NRXN3: variants seen among roughly 807,000 people sequenced by gnomAD.
The protein encoded by NRXN3 is neurexin III.
A neutral mutation model predicts 137.6 loss-of-function variants in NRXN3; 32 were observed. The observed-to-expected ratio is 0.23, with a 90% confidence interval of 0.18 to 0.31. The LOEUF (loss-of-function observed/expected upper bound fraction) is 0.31. NRXN3 is among the 10% of genes least tolerant of loss of function. NRXN3 has a pLI of 1.00. For synonymous variants in NRXN3, 798 were observed against 784.5 expected, an observed-to-expected ratio of 1.02 and a Z score of -0.29; for missense variants, 1,574 against 2,062.5, an observed-to-expected ratio of 0.76 and a Z score of 4.59.
rs2073963759 is a variant in NRXN3, at chr14:78,278,669, C to G, written c.727+7C>G. On this transcript the variant is annotated splice_region_variant and intron_variant, in intron 3 of 20. Transcript: ENST00000335750. ...GATGTCAGTCAAGATCCAGGTGAGT[C>G]TTTGTGTTTGCACAGCTGCTGTGGG... The G allele has an allele frequency of 6.5e-7, 1 of 1,534,924 alleles. No individual in the cohort carries two copies. Among genetic ancestry groups the G allele is most frequent in the East Asian group, 2.4e-5 (1 of 40,916 alleles).
At chr14:79,101,539 G>T (rs2051301230) in intron 15 of NRXN3, among the ~76,000 whole-genome samples, 1 of 152,178 alleles carries the variant, frequency 6.6e-6, no homozygotes, top group African/African-American at 2.4e-5. Flanking sequence ...TGTGTTGTCT[G>T]TTTGAAGTAC....
intron 15 of NRXN3, among the ~76,000 whole-genome samples, chr14:79,271,073 C>G (rs1239672453): frequency 6.6e-6 from 1 of 152,174 alleles, no homozygotes; most frequent in African/African-American, 2.4e-5. Flanking sequence ...CTGTATCTAT[C>G]TTAGACGATG....
intron 3 of NRXN3, among the ~76,000 whole-genome samples, chr14:78,295,986 C>G (rs932673177): frequency 1.3e-5 from 2 of 151,728 alleles, no homozygotes; most frequent in Non-Finnish European, 2.9e-5. Flanking sequence ...CTTTTTAACC[C>G]TCTATTTGAC....
At chr14:78,653,695 CAAAAG>C (rs1394217621) in intron 6 of NRXN3, among the ~76,000 whole-genome samples, 8 of 108,956 alleles carry the variant, frequency 7.3e-5, no homozygotes, top group African/African-American at 3.1e-4. Flanking sequence ...CATGTGGAAA[CAAAAG>C]AAAATAAAAT....
chr14:79,210,285 T>C (rs1451167217), intron 15 of NRXN3, among the ~76,000 whole-genome samples: 2 of 152,230 alleles, frequency 1.3e-5, no homozygotes, highest in Non-Finnish European at 2.9e-5. Flanking sequence ...ATACACACTT[T>C]AACTGGGAGA....
intron 15 of NRXN3, among the ~76,000 whole-genome samples, chr14:79,227,207 T>C (rs1172328016): frequency 6.6e-6 from 1 of 152,136 alleles, no homozygotes; most frequent in East Asian, 1.9e-4. Flanking sequence ...ATTGAGCACT[T>C]CGTAGGTACC....
chr14:78,356,915 C>T (rs907838807), intron 4 of NRXN3, among the ~76,000 whole-genome samples: 1 of 152,126 alleles, frequency 6.6e-6, no homozygotes, highest in Non-Finnish European at 1.5e-5. Context: ...AGTGACTTAA[C>T]GTCATTTGAT....
Position 79,602,863 on chromosome 14 carries a change from C to T in NRXN3, c.3445-60915C>T, listed in dbSNP as rs74612826. 0.016 allele frequency among the ~76,000 whole-genome samples: 2,397 copies of T among 152,134 alleles called. 176 individuals carry two copies. The East Asian group carries it at 0.25, about 16-fold the overall frequency. On this transcript the variant is annotated intron_variant, in intron 16 of 20. Transcript: ENST00000335750. ...ATCTAACTTGTAACCATATTTCCAA[C>T]TACCTGCCAAGTGTCTGTGCTGGAA...
chr14:79,706,361 A>G (rs2098779010), intron 19 of NRXN3, among the ~76,000 whole-genome samples: 2 of 152,108 alleles, frequency 1.3e-5, no homozygotes, highest in South Asian at 4.2e-4. Context: ...CCCACTTTCA[A>G]ATATATGCAA....
At chr14:79,651,160 T>C (rs983111756) in intron 16 of NRXN3, among the ~76,000 whole-genome samples, 1 of 152,148 alleles carries the variant, frequency 6.6e-6, no homozygotes, top group Admixed American at 6.6e-5. Context: ...CCCTTGGTAA[T>C]GAACACTAAG....
At chr14:79,827,253 G>C (rs542789067) in intron 20 of NRXN3, among the ~76,000 whole-genome samples, 1 of 151,944 alleles carries the variant, frequency 6.6e-6, no homozygotes, top group Non-Finnish European at 1.5e-5. Context: ...GCAGGGGTGG[G>C]TGCTAGGAAT....
intron 10 of NRXN3, among the ~76,000 whole-genome samples, chr14:78,813,736 T>A (rs764677027): frequency 6.6e-6 from 1 of 152,136 alleles, no homozygotes; most frequent in Non-Finnish European, 1.5e-5. Flanking sequence ...TCTGTGACAC[T>A]CTTTAATGGA....
At chr14:79,568,685 G>A (rs1454917315) in intron 16 of NRXN3, among the ~76,000 whole-genome samples, 1 of 152,182 alleles carries the variant, frequency 6.6e-6, no homozygotes, top group Admixed American at 6.5e-5. Flanking sequence ...TGCAATGTGT[G>A]ATTCAAATGC....
intron 15 of NRXN3, among the ~76,000 whole-genome samples, chr14:79,332,497 C>G (rs776182911): frequency 6.6e-6 from 1 of 152,166 alleles, no homozygotes; most frequent in Non-Finnish European, 1.5e-5. Context: ...CTTCTACTCA[C>G]CGTTTAAGAC....
rs374407933 is a variant in NRXN3, at chr14:78,967,301, C to T, written c.2871C>T (p.Val957=). 1.4e-4 allele frequency: 229 copies of T among 1,613,614 alleles called. 1 individual carries two copies. In the South Asian group the frequency reaches 2.0e-3, roughly 14 times the overall value. Reference sequence around the variant, plus strand: ...TGAATGACAACCAGTGGCACAATGTCGTCATCACTCGGGACAATAGTAACA... The same window carrying T: ...TGAATGACAACCAGTGGCACAATGTTGTCATCACTCGGGACAATAGTAACA... The part of the protein sequence containing the change: ...RPLNDNQWHN[V]VITRDNSNTH... Residue 957 remains valine (V), a synonymous_variant, in exon 13 of 21, where the codon GTC becomes GTT. Transcript: ENST00000335750.
Position 79,112,560 on chromosome 14 carries a change from G to A in NRXN3, c.3262+124419G>A, listed in dbSNP as rs149761750. Among the ~76,000 whole-genome samples, 8 of 152,292 alleles carry A rather than the reference G, an allele frequency of 5.3e-5. 1 individual carries two copies. In the East Asian group the frequency reaches 1.5e-3, roughly 29 times the overall value. On this transcript the variant is annotated intron_variant, in intron 15 of 20. Transcript: ENST00000335750. ...ATTAATGTAAAGAACTGGCATCTTT[G>A]CTGACTTATTCAACAGACTGTGTGT...
chr14:78,769,554 A>G (rs930367133), intron 8 of NRXN3, among the ~76,000 whole-genome samples: 1 of 152,238 alleles, frequency 6.6e-6, no homozygotes, highest in African/African-American at 2.4e-5. Context: ...GATAGAGCCT[A>G]TAATCAAACA....
chr14:79,103,443 G>A (rs975377746), intron 15 of NRXN3, among the ~76,000 whole-genome samples: 1 of 152,146 alleles, frequency 6.6e-6, no homozygotes, highest in African/African-American at 2.4e-5. Context: ...GGAACAACAC[G>A]TTCTTGGGAA....
intron 19 of NRXN3, among the ~76,000 whole-genome samples, chr14:79,788,226 C>T (rs1417553699): frequency 6.6e-6 from 1 of 152,158 alleles, no homozygotes; most frequent in Non-Finnish European, 1.5e-5. Flanking sequence ...AAAACCCACC[C>T]CCATGATTCA....
Sources: allele counts gnomAD v4.1 joint callset (sites outside exome capture counted in the v4.1 genomes callset), GRCh38; gene constraint gnomAD v4.1.1; transcripts MANE v1.5; gene names NCBI Gene and HGNC (gene_info 2026-07-23, HGNC 2026-07-21).